The following SPATA17 variants were observed in gnomAD, a reference collection of about 807,000 sequenced individuals.
SPATA17 encodes the protein spermatogenesis associated 17.
SPATA17 carries 53 observed loss-of-function variants against 62.2 expected under a neutral mutation model. The observed-to-expected ratio is 0.85, with a 90% CI of 0.68 to 1.07. The LOEUF is 1.07. SPATA17 is among the 50% of genes least tolerant of loss of function. The pLI, the probability that SPATA17 is intolerant of heterozygous loss-of-function variation, is 0.00. For missense variants in SPATA17, 466 were observed against 425.5 expected, an observed-to-expected ratio of 1.10 and a Z score of -0.84; for synonymous variants, 146 against 146.8, an observed-to-expected ratio of 0.99 and a Z score of 0.04.
chr1:217,724,338 G>A (rs953322562), intron 5 of SPATA17, among the ~76,000 whole-genome samples: 1 of 151,892 alleles, frequency 6.6e-6, no homozygotes, highest in African/African-American at 2.4e-5. Context: ...GTGGTGGCTC[G>A]GCCTTTTGGG....
chr1:217,710,623 T>G (rs1190951722), intron 5 of SPATA17, among the ~76,000 whole-genome samples: 1 of 152,178 alleles, frequency 6.6e-6, no homozygotes, highest in Non-Finnish European at 1.5e-5. Context: ...TTATGTATCA[T>G]GAAAGTTTTT....
At chr1:217,804,277 C>T (rs1415509727) in intron 9 of SPATA17, among the ~76,000 whole-genome samples, 1 of 152,112 alleles carries the variant, frequency 6.6e-6, no homozygotes, top group Non-Finnish European at 1.5e-5. Context: ...TGATCTTTGA[C>T]AAAGGTCCCA....
chr1:217,685,935 T>G (rs1671206451), intron 5 of SPATA17, among the ~76,000 whole-genome samples: 1 of 152,120 alleles, frequency 6.6e-6, no homozygotes, highest in South Asian at 2.1e-4. Flanking sequence ...ACTTGTTCTA[T>G]TTTATTTTTT....
At chr1:217,851,026 G>C (rs1168334820) in intron 9 of SPATA17, among the ~76,000 whole-genome samples, 3 of 152,050 alleles carry the variant, frequency 2.0e-5, no homozygotes, top group African/African-American at 7.2e-5. Flanking sequence ...TTAATGTTTG[G>C]GTAGGATTTG....
chr1:217,750,343 G>A (rs1672876762), intron 6 of SPATA17, among the ~76,000 whole-genome samples: 1 of 151,874 alleles, frequency 6.6e-6, no homozygotes, highest in Non-Finnish European at 1.5e-5. Context: ...AGACCCAAAT[G>A]GACATAAAAT....
At chr1:217,722,721 T>C (rs529276603) in intron 5 of SPATA17, among the ~76,000 whole-genome samples, 1 of 152,304 alleles carries the variant, frequency 6.6e-6, no homozygotes, top group Non-Finnish European at 1.5e-5. Context: ...CTTTCAGGAC[T>C]TCATTTGTCA....
intron 5 of SPATA17, among the ~76,000 whole-genome samples, chr1:217,696,235 G>A (rs1344458179): frequency 1.3e-5 from 2 of 152,166 alleles, no homozygotes; most frequent in African/African-American, 4.8e-5. Context: ...CGCAATATTC[G>A]GGTGGGAGTG....
At chr1:217,764,284 ACTAT>A (rs1244263257) in intron 6 of SPATA17, among the ~76,000 whole-genome samples, 1 of 152,066 alleles carries the variant, frequency 6.6e-6, no homozygotes, top group Non-Finnish European at 1.5e-5. Context: ...TGATCCTTTT[ACTAT>A]CTGTCTCCAG....
At chr1:217,772,304 G>A (rs972931958) in intron 6 of SPATA17, among the ~76,000 whole-genome samples, 3 of 152,024 alleles carry the variant, frequency 2.0e-5, no homozygotes, top group Non-Finnish European at 2.9e-5. Flanking sequence ...TTATATAACT[G>A]CCTTTAATGT....
chr1:217,816,577 C>G (rs1674722121), intron 9 of SPATA17, among the ~76,000 whole-genome samples: 1 of 151,780 alleles, frequency 6.6e-6, no homozygotes, highest in Non-Finnish European at 1.5e-5. Flanking sequence ...GGTCATCATT[C>G]ACTTCTGAAT....
intron 5 of SPATA17, among the ~76,000 whole-genome samples, chr1:217,698,079 T>C (rs1671502160): frequency 6.6e-6 from 1 of 152,124 alleles, no homozygotes; most frequent in African/African-American, 2.4e-5. Flanking sequence ...GCAGATCACC[T>C]GAGGTCAGGA....
At chr1:217,823,961 T>C (rs2102998271) in intron 9 of SPATA17, among the ~76,000 whole-genome samples, 1 of 152,162 alleles carries the variant, frequency 6.6e-6, no homozygotes, top group Admixed American at 6.6e-5. Context: ...AATAACTTTT[T>C]CCATGCCTTC....
At chr1:217,678,098 A>T (rs1236868195) in intron 4 of SPATA17, among the ~76,000 whole-genome samples, 3 of 152,032 alleles carry the variant, frequency 2.0e-5, no homozygotes, top group African/African-American at 7.3e-5. Flanking sequence ...TATAATTATG[A>T]ATAACTGAGT....
At chr1:217,715,799 T>C (rs982906134) in intron 5 of SPATA17, among the ~76,000 whole-genome samples, 5 of 152,224 alleles carry the variant, frequency 3.3e-5, no homozygotes, top group Non-Finnish European at 7.3e-5. Context: ...TCCGCTGTTA[T>C]ACTGTCAGTG....
At chr1:217,706,415 C>T (rs1671736018) in intron 5 of SPATA17, among the ~76,000 whole-genome samples, 1 of 152,152 alleles carries the variant, frequency 6.6e-6, no homozygotes, top group South Asian at 2.1e-4. Flanking sequence ...CTGTAATCCC[C>T]ATGTGTTGAG....
rs1386354826 is a variant in SPATA17, at chr1:217,669,099, C to T, written c.291+16C>T. On this transcript the variant is annotated intron_variant, in intron 4 of 10. Transcript: ENST00000366933. Reference sequence around the variant, plus strand: ...GGCTGTCAGGGTAAATATTTCTTCACTTGTTAAACAAATGAAAAGTCAATT... The same window carrying T: ...GGCTGTCAGGGTAAATATTTCTTCATTTGTTAAACAAATGAAAAGTCAATT... The T allele has an allele frequency of 1.9e-6, 3 of 1,604,594 alleles. No individual in the cohort carries two copies. Among genetic ancestry groups the T allele is most frequent in the Non-Finnish European group, 2.6e-6 (3 of 1,174,334 alleles).
At chr1:217,635,447 T>C (rs1330519387) in intron 1 of SPATA17, among the ~76,000 whole-genome samples, 1 of 152,200 alleles carries the variant, frequency 6.6e-6, no homozygotes, top group Non-Finnish European at 1.5e-5. Flanking sequence ...CTCACGCCTA[T>C]AATCCCAGCA....
At chr1:217,797,186 G>A (rs574021962) in intron 8 of SPATA17, among the ~76,000 whole-genome samples, 2 of 151,880 alleles carry the variant, frequency 1.3e-5, no homozygotes, top group Non-Finnish European at 2.9e-5. Flanking sequence ...GATCAGGCAC[G>A]AACTGGTTAT....
intron 8 of SPATA17, among the ~76,000 whole-genome samples, chr1:217,798,904 C>G (rs1674224285): frequency 6.8e-6 from 1 of 147,984 alleles, no homozygotes; most frequent in Admixed American, 6.8e-5. Flanking sequence ...GAGACGGAGT[C>G]TCACTCTGTC....
Sources: allele counts gnomAD v4.1 joint callset (sites outside exome capture counted in the v4.1 genomes callset), GRCh38; gene constraint gnomAD v4.1.1; transcripts MANE v1.5; gene names NCBI Gene and HGNC (gene_info 2026-07-23, HGNC 2026-07-21).